Variants in TCN2 observed in about 807,000 individuals in gnomAD.
The protein encoded by TCN2 is transcobalamin 2, also known as transcobalamin-2.
TCN2 carries 34 observed loss-of-function variants against 48.6 expected under a neutral mutation model. The ratio of observed to expected loss-of-function variants is 0.70; its 90% CI spans 0.53 to 0.93. The LOEUF is 0.93. Ranked by LOEUF, TCN2 falls within the 40% of genes least tolerant of loss-of-function variation. TCN2 has a pLI of 0.00. For missense variants in TCN2, 652 were observed against 526.1 expected, an observed-to-expected ratio of 1.24 and a Z score of -2.34; for synonymous variants, 283 against 212.5, an observed-to-expected ratio of 1.33 and a Z score of -2.89.
intron 1 of TCN2, among the ~76,000 whole-genome samples, chr22:30,609,473 G>C (rs2145534020): frequency 6.6e-6 from 1 of 152,250 alleles, no homozygotes; most frequent in East Asian, 1.9e-4. Flanking sequence ...GCTGGATCCT[G>C]ATCTTTCAGT....
intron 4 of TCN2, among the ~76,000 whole-genome samples, chr22:30,614,758 A>T (rs2145543495): frequency 6.6e-6 from 1 of 152,278 alleles, no homozygotes; most frequent in East Asian, 1.9e-4. Flanking sequence ...AAAATAAAAA[A>T]GTTAGCCGGG....
At chr22:30,607,502 GT>G in intron 1 of TCN2, 107 bp downstream of exon 1, 1 of 1,259,720 alleles carries the variant, frequency 7.9e-7, no homozygotes, top group South Asian at 1.3e-5. Flanking sequence ...TCCCATAGCA[GT>G]TTGGGCTTAG....
chr22:30,612,409 G>T (rs1378864736), intron 2 of TCN2, among the ~76,000 whole-genome samples: 1 of 152,094 alleles, frequency 6.6e-6, no homozygotes, highest in Non-Finnish European at 1.5e-5. Context: ...AATTAGCCAA[G>T]GGTGGTGGTG....
chr22:30,609,676 A>C (rs1369654925), intron 1 of TCN2, among the ~76,000 whole-genome samples: 1 of 152,132 alleles, frequency 6.6e-6, no homozygotes. Flanking sequence ...GAGACGGAGA[A>C]ATGGAGATAG....
At chr22:30,622,496 C>T (rs901730970) in intron 7 of TCN2, among the ~76,000 whole-genome samples, 5 of 152,234 alleles carry the variant, frequency 3.3e-5, no homozygotes, top group South Asian at 4.2e-4. Flanking sequence ...CATGCAGCCC[C>T]GAGAAGAGGG....
chr22:30,615,211 C>T (rs189039328), intron 4 of TCN2, 90 bp from the exon 5 acceptor site: 69 of 1,417,944 alleles, frequency 4.9e-5, no homozygotes, highest in Non-Finnish European at 5.9e-5. Flanking sequence ...TGTGGTTGTC[C>T]ATAGCTACAA....
rs1602039338 is a variant in TCN2 at position 30,607,415 on chromosome 22, C to T, written c.64+20C>T. On this transcript the variant is annotated intron_variant, in intron 1 of 8. Transcript: ENST00000215838. ...TGTGTGGTGAGTAACTCGCCTCTAT[C>T]CTGTGCCTCTTTCCTCCTGGGTCCT... 1.9e-6 allele frequency: 3 copies of T among 1,613,738 alleles called. No individual in the cohort carries two copies. Among genetic ancestry groups the T allele is most frequent in the African/African-American group, 1.3e-5 (1 of 74,914 alleles).
intron 8 of TCN2, among the ~76,000 whole-genome samples, chr22:30,625,068 A>G (rs1359306248): frequency 6.6e-6 from 1 of 152,138 alleles, no homozygotes; most frequent in African/African-American, 2.4e-5. Context: ...AATACAAAAA[A>G]TTAGCTGGGG....
chr22:30,625,937 CTGACACCTGG>C (rs1391107399), intron 8 of TCN2, among the ~76,000 whole-genome samples: 1 of 152,182 alleles, frequency 6.6e-6, no homozygotes, highest in Non-Finnish European at 1.5e-5. Context: ...GGAAACATTT[CTGACACCTGG>C]CTATCTCAAA....
In TCN2 at chr22:30,612,950, T is replaced by G; in HGVS notation, c.335T>G (p.Leu112Arg). The G allele has an allele frequency of 1.2e-6, 2 of 1,614,218 alleles. No homozygotes were observed. Among genetic ancestry groups the G allele is most frequent in the Non-Finnish European group, 1.7e-6 (2 of 1,180,040 alleles). ...CAGCTGGCCCTCTACCTGCTCGCTC[T>G]CAGAGCCAACTGTGAGTTTGTCAGG... ...MGQLALYLLA[L>R]RANCEFVRGH... Residue 112 changes from leucine (L) to arginine (R), a missense_variant, in exon 3 of 9, where the codon CTC (leucine) becomes CGC (arginine). Leu to Arg is a moderately radical substitution (Grantham distance 102, BLOSUM62 -2). Coordinates refer to ENST00000215838, the MANE Select transcript of TCN2 (RefSeq NM_000355.4).
Position 30,607,380 on chromosome 22 carries a change from C to T in TCN2, c.49C>T (p.Leu17Phe). The T allele has an allele frequency of 1.2e-6, 2 of 1,614,166 alleles. No individual in the cohort carries two copies. The highest frequency in any genetic ancestry group is 1.7e-6 in the Non-Finnish European group (2 of 1,180,030). Residue 17 changes from leucine (L) to phenylalanine (F), a missense_variant, in exon 1 of 9, where the codon CTC becomes TTC. Coordinates refer to ENST00000215838, the MANE Select transcript of TCN2 (RefSeq NM_000355.4). ...CTTCCTTCTGGGGGTCCTGGGGGCC[C>T]TCACTGAGATGTGTGGTGAGTAACT... is the stretch of plus-strand genomic sequence containing the variant. ...FLFLLGVLGA[L>F]TEMCEIPEMD...
At chr22:30,610,215 G>A (rs763004856) in intron 1 of TCN2, 1 of 471,150 alleles carries the variant, frequency 2.1e-6, no homozygotes, top group South Asian at 1.5e-5. Context: ...CACAATCTCA[G>A]GTCCTCTTCA....
chr22:30,619,732 T>C (rs1334647259), intron 7 of TCN2, among the ~76,000 whole-genome samples: 1 of 152,210 alleles, frequency 6.6e-6, no homozygotes, highest in East Asian at 1.9e-4. Flanking sequence ...CTTCGGGTCC[T>C]CTAGGCTAGA....
chr22:30,611,236 A>T, intron 2 of TCN2, 173 bp downstream of exon 2: 1 of 772,482 alleles, frequency 1.3e-6, no homozygotes. Flanking sequence ...GTTGGATTAG[A>T]TCAGAGATGC....
At chr22:30,625,742 G>C (rs778469585) in intron 8 of TCN2, among the ~76,000 whole-genome samples, 6 of 152,108 alleles carry the variant, frequency 3.9e-5, no homozygotes, top group Non-Finnish European at 5.9e-5. Flanking sequence ...GGGATTCTAG[G>C]TATGAGCCAC....
At position 30,618,758 on chromosome 22, in the gene TCN2, A is replaced by G. The variant is rs114285247; in HGVS notation, c.1106+1263A>G. On this transcript the variant is annotated intron_variant, in intron 7 of 8. Transcript: ENST00000215838. ...TATCCAAGTAACAGGGACTACAGGCATGCACCACCACACCCATCTACTTTT... is the reference window on the plus strand; with the variant it reads ...TATCCAAGTAACAGGGACTACAGGCGTGCACCACCACACCCATCTACTTTT... Among the ~76,000 whole-genome samples the G allele has an allele frequency of 3.6e-3, 547 of 152,284 alleles. 9 individuals are homozygous for G. The highest frequency in any genetic ancestry group is 0.012 in the African/African-American group (518 of 41,574).
At chr22:30,620,265 A>T (rs2087679470) in intron 7 of TCN2, among the ~76,000 whole-genome samples, 1 of 152,252 alleles carries the variant, frequency 6.6e-6, no homozygotes, top group Non-Finnish European at 1.5e-5. Context: ...CAGCCGGGCC[A>T]ACGTGGCGAA....
intron 2 of TCN2, 152 bp from the exon 3 acceptor site, chr22:30,612,721 C>A (rs898654611): frequency 6.7e-6 from 6 of 897,000 alleles, no homozygotes; most frequent in Non-Finnish European, 1.0e-5. Flanking sequence ...CACCTCACAA[C>A]AACATAGCCA....
chr22:30,615,163 C>G, intron 4 of TCN2, 138 bp from the exon 5 acceptor site: 1 of 866,032 alleles, frequency 1.2e-6, no homozygotes, highest in African/African-American at 1.7e-5. Context: ...GTGCCCTTAG[C>G]TGATCTGACC....
Sources: gnomAD v4.1 joint callset for allele counts (sites outside exome capture counted in the v4.1 genomes callset) on GRCh38, gnomAD v4.1.1 for gene constraint, MANE v1.5 for transcripts, NCBI Gene and HGNC (gene_info 2026-07-23, HGNC 2026-07-21) for gene names.